Variants in SFMBT1 observed in about 807,000 individuals in gnomAD.
SFMBT1 encodes Scm like with four mbt domains 1.
SFMBT1 carries 32 observed loss-of-function variants against 108.7 expected under a neutral mutation model. The ratio of observed to expected loss-of-function variants is 0.29; its 90% CI spans 0.22 to 0.40. SFMBT1 has a LOEUF of 0.40. Among genes scored for constraint, SFMBT1 ranks in the 10% least tolerant of loss-of-function variants. SFMBT1 has a pLI of 1.00. For synonymous variants in SFMBT1, 348 were observed against 369.5 expected, an observed-to-expected ratio of 0.94 and a Z score of 0.67; for missense variants, 816 against 1,059.6, an observed-to-expected ratio of 0.77 and a Z score of 3.19.
chr3:52,906,222 G>A lies in SFMBT1; in HGVS notation c.2351C>T (p.Ala784Val). ...PSPKEIRIEV[A>V]ERLHLDSNPL... ...GTTACTGTCCAGGTGAAGCCTTTCA[G>A]CAACTTCGATCCTTATTTCCTTCAT... The change falls in exon 20 of 21, where the codon GCT becomes GTT. Residue 784 changes from alanine (A) to valine (V), a missense_variant. By Grantham distance (64) the Ala-to-Val change is moderately conservative (BLOSUM62 0). This residue lies in a region of SFMBT1 where 177 missense variants were observed against 182.0 expected (regional missense o/e 0.97). Coordinates refer to ENST00000394752, the MANE Select transcript of SFMBT1 (RefSeq NM_016329.4). 1 of 1,614,074 alleles carries A rather than the reference G, an allele frequency of 6.2e-7. No homozygotes were observed. The highest frequency in any genetic ancestry group is 8.5e-7 in the Non-Finnish European group (1 of 1,179,956).
At chr3:52,981,335 A>G (rs562675054) in intron 1 of SFMBT1, among the ~76,000 whole-genome samples, 1 of 152,110 alleles carries the variant, frequency 6.6e-6, no homozygotes, top group African/African-American at 2.4e-5. Context: ...GAAAATCATT[A>G]AGGAGAAAGG....
chr3:53,012,853 TC>T, intron 1 of SFMBT1, among the ~76,000 whole-genome samples: 1 of 151,768 alleles, frequency 6.6e-6, no homozygotes, highest in South Asian at 2.1e-4. Context: ...AGGCTAAATT[TC>T]CATCACCAGC....
intron 3 of SFMBT1, among the ~76,000 whole-genome samples, chr3:52,949,294 G>A (rs1410218103): frequency 6.6e-6 from 1 of 152,114 alleles, no homozygotes; most frequent in Non-Finnish European, 1.5e-5. Context: ...TGCTGTTGTT[G>A]AAGTAGTCTA....
At chr3:52,977,213 T>C (rs1704547398) in intron 1 of SFMBT1, among the ~76,000 whole-genome samples, 1 of 152,106 alleles carries the variant, frequency 6.6e-6, no homozygotes, top group Non-Finnish European at 1.5e-5. Flanking sequence ...AATGCCTGTA[T>C]TAAGAAAAAA....
chr3:53,044,002 ATCT>A (rs1700134625), intron 1 of SFMBT1, among the ~76,000 whole-genome samples: 1 of 152,240 alleles, frequency 6.6e-6, no homozygotes, highest in Non-Finnish European at 1.5e-5. Flanking sequence ...AATGTTCCAT[ATCT>A]TGATCTGAGT....
rs187509121 is a variant in SFMBT1, at chr3:52,912,892, C to T, written c.1621-245G>A. Among the ~76,000 whole-genome samples the T allele has an allele frequency of 2.6e-3, 395 of 152,202 alleles. 2 individuals are homozygous for T. Among genetic ancestry groups the T allele is most frequent in the African/African-American group, 9.0e-3 (375 of 41,538 alleles). ...TTACGGTCAGGAAAAAAACAGGTACCATGATTTTCAAATTGCTCCAGAACA... is the reference window on the plus strand; with the variant it reads ...TTACGGTCAGGAAAAAAACAGGTACTATGATTTTCAAATTGCTCCAGAACA... On this transcript the variant is annotated intron_variant, in intron 15 of 20. Coordinates refer to ENST00000394752, the MANE Select transcript of SFMBT1 (RefSeq NM_016329.4).
At chr3:52,906,567 A>G (rs2106756113) in intron 19 of SFMBT1, among the ~76,000 whole-genome samples, 1 of 152,336 alleles carries the variant, frequency 6.6e-6, no homozygotes, top group Admixed American at 6.5e-5. Flanking sequence ...TACCAGGAGG[A>G]ATCTTTACTG....
chr3:52,982,685 C>T (rs188439931), intron 1 of SFMBT1, among the ~76,000 whole-genome samples: 230 of 134,430 alleles, frequency 1.7e-3, no homozygotes, highest in South Asian at 6.0e-3. Flanking sequence ...GCTGAGATCG[C>T]GGCACTGCAC....
chr3:52,944,542 A>G (rs1311319503), intron 3 of SFMBT1, among the ~76,000 whole-genome samples: 1 of 152,130 alleles, frequency 6.6e-6, no homozygotes. Context: ...TTTTTGAGAC[A>G]AAGTTTCGCT....
intron 1 of SFMBT1, among the ~76,000 whole-genome samples, chr3:53,035,103 G>A (rs1191909353): frequency 2.0e-5 from 3 of 152,214 alleles, no homozygotes; most frequent in African/African-American, 7.2e-5. Flanking sequence ...TGAGGCTGCA[G>A]AGGCCATGAG....
At chr3:52,930,524 G>C (rs1237833708) in intron 7 of SFMBT1, 94 bp from the exon 8 acceptor site, 1 of 738,998 alleles carries the variant, frequency 1.4e-6, no homozygotes, top group Non-Finnish European at 2.4e-6. Flanking sequence ...GTCCAGCTCT[G>C]GTAAATCCTA....
chr3:52,996,666 T>C (rs1271611880), intron 1 of SFMBT1, among the ~76,000 whole-genome samples: 1 of 150,180 alleles, frequency 6.7e-6, no homozygotes, highest in Non-Finnish European at 1.5e-5. Context: ...ATGGCTAAAA[T>C]ACGAACAATA....
rs576724731 is a variant in SFMBT1 at position 52,999,910 on chromosome 3, A to G, written c.-130-30652T>C. 9.5e-4 allele frequency among the ~76,000 whole-genome samples: 142 copies of G among 150,058 alleles called. 18 individuals are homozygous for G. Among genetic ancestry groups the G allele is most frequent in the South Asian group, 4.0e-3 (19 of 4,696 alleles). On this transcript the variant is annotated intron_variant, in intron 1 of 20. Transcript: ENST00000394752. ...GTATCGCTCTGTCGCCCAGGCTGGA[A>G]TGCAGTGGCACAATCTCGGCTCACT...
chr3:52,948,057 A>C (rs942771746), intron 3 of SFMBT1, among the ~76,000 whole-genome samples: 1 of 152,186 alleles, frequency 6.6e-6, no homozygotes, highest in African/African-American at 2.4e-5. Flanking sequence ...TTTTTAAACA[A>C]ATCTTTTCCT....
chr3:52,987,970 T>TA (rs1220053044), intron 1 of SFMBT1, among the ~76,000 whole-genome samples: 15 of 152,166 alleles, frequency 9.9e-5, no homozygotes, highest in Non-Finnish European at 4.4e-5. Context: ...GCCAAAAGGC[T>TA]AAAAAAATCA....
intron 2 of SFMBT1, among the ~76,000 whole-genome samples, chr3:52,955,228 C>T (rs112670318): frequency 0.03 from 4,604 of 152,050 alleles, 269 homozygotes; most frequent in African/African-American, 0.1. Context: ...GCCTGGCCAA[C>T]ATGGTGAAAC....
intron 2 of SFMBT1, among the ~76,000 whole-genome samples, chr3:52,966,060 G>A (rs1271803820): frequency 6.9e-6 from 1 of 145,272 alleles, no homozygotes; most frequent in African/African-American, 2.6e-5. Flanking sequence ...GCTCACGCCT[G>A]TAATTCCAGC....
At chr3:53,026,877 T>C (rs1171637704) in intron 1 of SFMBT1, among the ~76,000 whole-genome samples, 2 of 152,180 alleles carry the variant, frequency 1.3e-5, no homozygotes, top group Non-Finnish European at 2.9e-5. Flanking sequence ...CACGGCTTAC[T>C]GCAGCCTCGA....
intron 1 of SFMBT1, among the ~76,000 whole-genome samples, chr3:53,010,577 G>T (rs2106927506): frequency 6.6e-6 from 1 of 152,298 alleles, no homozygotes; most frequent in African/African-American, 2.4e-5. Context: ...GCACAAGGGG[G>T]TAATTGTGGA....
Sources: allele counts gnomAD v4.1 joint callset (sites outside exome capture counted in the v4.1 genomes callset), GRCh38; gene constraint gnomAD v4.1.1; regional missense constraint gnomAD v4.1.1; transcripts MANE v1.5; gene names NCBI Gene and HGNC (gene_info 2026-07-23, HGNC 2026-07-21).